The following FERMT2 variants were observed in gnomAD, a reference collection of about 807,000 sequenced individuals.
FERMT2 encodes the protein fermitin family homolog 2.
Under a neutral mutation model 82.7 loss-of-function variants are expected in FERMT2, and 15 were observed. The ratio of observed to expected loss-of-function variants is 0.18; its 90% CI spans 0.12 to 0.28. The LOEUF (loss-of-function observed/expected upper bound fraction) is 0.28. Among genes scored for constraint, FERMT2 ranks in the 10% least tolerant of loss-of-function variants. The probability of loss-of-function intolerance (pLI) is 1.00; values close to 1 mark genes in which losing one functional copy is unlikely to be tolerated. For missense variants in FERMT2, 645 were observed against 809.4 expected, an observed-to-expected ratio of 0.80 and a Z score of 2.46; for synonymous variants, 274 against 271.5, an observed-to-expected ratio of 1.01 and a Z score of -0.09.
chr14:52,891,547 T>G (rs1023447182), intron 4 of FERMT2, among the ~76,000 whole-genome samples: 1 of 152,122 alleles, frequency 6.6e-6, no homozygotes, highest in African/African-American at 2.4e-5. Flanking sequence ...ATGTGGGTAT[T>G]AACAATATCT....
chr14:52,887,473 C>A (rs1886680709), intron 4 of FERMT2, among the ~76,000 whole-genome samples: 1 of 151,770 alleles, frequency 6.6e-6, no homozygotes, highest in South Asian at 2.1e-4. Flanking sequence ...CATAGCAAGA[C>A]CCTGTCCCTT....
intron 2 of FERMT2, among the ~76,000 whole-genome samples, chr14:52,926,282 C>G (rs1889266651): frequency 6.6e-6 from 1 of 152,134 alleles, no homozygotes. Context: ...TAAACTAAAG[C>G]TTTGGAAAAC....
chr14:52,943,302 G>A (rs185291379), intron 2 of FERMT2, among the ~76,000 whole-genome samples: 3 of 152,298 alleles, frequency 2.0e-5, no homozygotes, highest in Admixed American at 2.0e-4. Context: ...GACCAAGGCT[G>A]AGGAACTGTT....
At chr14:52,942,159 T>A (rs556864155) in intron 2 of FERMT2, among the ~76,000 whole-genome samples, 1 of 152,220 alleles carries the variant, frequency 6.6e-6, no homozygotes, top group South Asian at 2.1e-4. Context: ...TTTCATATAC[T>A]CAGAGACTCA....
At chr14:52,933,570 C>T (rs542315508) in intron 2 of FERMT2, among the ~76,000 whole-genome samples, 1 of 151,806 alleles carries the variant, frequency 6.6e-6, no homozygotes, top group East Asian at 1.9e-4. Flanking sequence ...ATTAGCCGGG[C>T]ATGGTGGCAC....
chr14:52,897,848 T>C lies in FERMT2; in HGVS notation c.392-4421A>G, dbSNP rs1408331773. On this transcript the variant is annotated intron_variant, in intron 3 of 14. Coordinates refer to ENST00000341590, the MANE Select transcript of FERMT2 (RefSeq NM_006832.3). ...AAAATTAGCTGGGCATGGTGGCGCA[T>C]GCCTGTAATTCCAGCTACTCGGGAG... 2.0e-5 allele frequency among the ~76,000 whole-genome samples: 3 copies of C among 151,852 alleles called. No individual in the cohort carries two copies. In the East Asian group the frequency reaches 5.8e-4, roughly 29 times the overall value.
intron 3 of FERMT2, among the ~76,000 whole-genome samples, chr14:52,904,052 T>C (rs1482961748): frequency 5.3e-5 from 8 of 152,146 alleles, no homozygotes; most frequent in Non-Finnish European, 2.9e-5. Context: ...AAAAAAGATA[T>C]ATGACACTTT....
intron 3 of FERMT2, among the ~76,000 whole-genome samples, chr14:52,915,432 G>C (rs898915296): frequency 6.6e-6 from 1 of 152,120 alleles, no homozygotes; most frequent in Non-Finnish European, 1.5e-5. Flanking sequence ...ACATATAAAT[G>C]GATCAATGGA....
intron 13 of FERMT2, chr14:52,859,917 A>G (rs1017691172): frequency 1.2e-5 from 4 of 329,156 alleles, no homozygotes; most frequent in East Asian, 5.1e-5. Context: ...TCCTGGGTTC[A>G]CGCCATTCTC....
intron 2 of FERMT2, among the ~76,000 whole-genome samples, chr14:52,949,772 C>A (rs748737059): frequency 6.6e-6 from 1 of 152,202 alleles, no homozygotes; most frequent in Non-Finnish European, 1.5e-5. Context: ...ACACAAAGTT[C>A]TTTCCTTGGC....
intron 3 of FERMT2, among the ~76,000 whole-genome samples, chr14:52,895,765 C>T (rs1420898927): frequency 1.3e-5 from 2 of 152,166 alleles, no homozygotes; most frequent in African/African-American, 4.8e-5. Flanking sequence ...TAAATAGATA[C>T]AGTTTATGGT....
rs571045877 is a variant in FERMT2, at chr14:52,926,487, C to T, written c.158-7131G>A. Among the ~76,000 whole-genome samples the T allele has an allele frequency of 2.0e-5, 3 of 151,890 alleles. No homozygotes were observed. The East Asian group carries it at 5.8e-4, about 29-fold the overall frequency. ...TGGCACTTGGCCAGAAGTTAGCAAA[C>T]ATCACCGGAGTAGATTCATTCATCT... On this transcript the variant is annotated intron_variant, in intron 2 of 14. Transcript: ENST00000341590.
intron 3 of FERMT2, among the ~76,000 whole-genome samples, chr14:52,897,141 C>T (rs1030194752): frequency 6.6e-6 from 1 of 151,588 alleles, no homozygotes; most frequent in Non-Finnish European, 1.5e-5. Context: ...TAAGACAGGG[C>T]AAAAAATAAA....
intron 2 of FERMT2, among the ~76,000 whole-genome samples, chr14:52,925,302 A>C (rs1239014549): frequency 6.6e-6 from 1 of 152,196 alleles, no homozygotes; most frequent in Non-Finnish European, 1.5e-5. Flanking sequence ...CTGTAATCCC[A>C]GTATGTTGGG....
At position 52,950,668 on chromosome 14, in the gene FERMT2, G is replaced by A. The variant is rs1424321239; in HGVS notation, c.-9-91C>T. ...ATTCGCAGCGCCGGCCACGGGCTGG[G>A]AGGTGGTGGAGGACCCGGGGCTTTC... On this transcript the variant is annotated intron_variant, in intron 1 of 14. Coordinates refer to ENST00000341590, the MANE Select transcript of FERMT2 (RefSeq NM_006832.3). 5 of 1,317,846 alleles carry A rather than the reference G, an allele frequency of 3.8e-6. No individual in the cohort carries two copies. The East Asian group carries it at 9.4e-5, about 25-fold the overall frequency. 81.6% of individuals were successfully genotyped at this position (1,317,846 alleles called of 1,614,324 possible). A position where few individuals can be genotyped will look rare whatever the true frequency, so the allele number is the denominator to read the frequency against.
At chr14:52,859,851 T>A in intron 13 of FERMT2, 137 bp from the exon 14 acceptor site, 2 of 480,430 alleles carry the variant, frequency 4.2e-6, no homozygotes, top group Non-Finnish European at 6.9e-6. Context: ...GGAGTCTTGC[T>A]CTGTTGCCCA....
At position 52,859,679 on chromosome 14, in the gene FERMT2, A is replaced by C; in HGVS notation, c.1763T>G (p.Ile588Ser). 1.2e-6 allele frequency: 2 copies of C among 1,602,046 alleles called. No homozygotes were observed. The highest frequency in any genetic ancestry group is 1.7e-6 in the Non-Finnish European group (2 of 1,173,804). The change falls in exon 14 of 15, where the codon ATT becomes AGT. Residue 588 changes from isoleucine to serine, a missense_variant. Transcript: ENST00000341590. ...QGGKKEELIG[I>S]AYNRLIRMDA... Reference sequence around the variant, plus strand: ...CATCCGAATCAGTCTGTTGTATGCAATTCCAATAAGTTCTTCTTTTTTGCC... The same window carrying C: ...CATCCGAATCAGTCTGTTGTATGCACTTCCAATAAGTTCTTCTTTTTTGCC...
At chr14:52,881,888 A>G in intron 4 of FERMT2, 1 of 680,750 alleles carries the variant, frequency 1.5e-6, no homozygotes, top group Non-Finnish European at 2.2e-6. Context: ...CAGAGGACAG[A>G]AACAAAAGAA....
chr14:52,894,116 C>G (rs1046301892), intron 3 of FERMT2, among the ~76,000 whole-genome samples: 1 of 152,170 alleles, frequency 6.6e-6, no homozygotes, highest in Non-Finnish European at 1.5e-5. Flanking sequence ...CGTGAGCCAC[C>G]GTGCCCGGCC....
Sources: allele counts gnomAD v4.1 joint callset (sites outside exome capture counted in the v4.1 genomes callset), GRCh38; gene constraint gnomAD v4.1.1; transcripts MANE v1.5; gene names NCBI Gene and HGNC (gene_info 2026-07-23, HGNC 2026-07-21).